Variants in HCN1 observed in about 807,000 individuals in gnomAD.
HCN1 encodes the protein potassium/sodium hyperpolarization-activated cyclic nucleotide-gated channel 1.
HCN1 carries 13 observed loss-of-function variants against 78.9 expected under a neutral mutation model. The observed-to-expected ratio is 0.16, with a 90% confidence interval of 0.11 to 0.26. The LOEUF (loss-of-function observed/expected upper bound fraction) is 0.26. HCN1 is among the 10% of genes least tolerant of loss of function. The probability of loss-of-function intolerance (pLI) is 1.00; values close to 1 mark genes in which losing one functional copy is unlikely to be tolerated. For missense variants in HCN1, 810 were observed against 1,154.3 expected, an observed-to-expected ratio of 0.70 and a Z score of 4.32; for synonymous variants, 552 against 455.5, an observed-to-expected ratio of 1.21 and a Z score of -2.70.
chr5:45,671,531 A>G (rs1200187579), intron 1 of HCN1, among the ~76,000 whole-genome samples: 1 of 151,386 alleles, frequency 6.6e-6, no homozygotes, highest in African/African-American at 2.4e-5. Context: ...CACCTAATAC[A>G]TGGTTACATA....
rs540210869 is a variant in HCN1, at chr5:45,588,668, A to G, written c.849+56517T>C. ...CTACTACTAACTCATTCTTCAAGTT[A>G]GGAGTCACCCCCTCCAGGAGGACTT... On this transcript the variant is annotated intron_variant, in intron 2 of 7. Coordinates refer to ENST00000303230, the MANE Select transcript of HCN1 (RefSeq NM_021072.4). 3.9e-5 allele frequency among the ~76,000 whole-genome samples: 6 copies of G among 152,308 alleles called. No homozygotes were observed. In the East Asian group the frequency reaches 9.7e-4, roughly 25 times the overall value.
chr5:45,363,237 C>A (rs1203640837), intron 4 of HCN1, among the ~76,000 whole-genome samples: 1 of 149,922 alleles, frequency 6.7e-6, no homozygotes, highest in Non-Finnish European at 1.5e-5. Context: ...TCCTTGTAAG[C>A]TGACCCACCT....
intron 6 of HCN1, among the ~76,000 whole-genome samples, chr5:45,303,026 A>C (rs927285974): frequency 6.6e-6 from 1 of 152,030 alleles, no homozygotes; most frequent in Non-Finnish European, 1.5e-5. Context: ...AAACAATACA[A>C]ATTTCTGTAA....
chr5:45,482,444 C>T (rs1470160647), intron 2 of HCN1, among the ~76,000 whole-genome samples: 2 of 152,062 alleles, frequency 1.3e-5, no homozygotes, highest in African/African-American at 4.8e-5. Flanking sequence ...GGAGTTGTCA[C>T]AGTTTAGAAC....
intron 2 of HCN1, among the ~76,000 whole-genome samples, chr5:45,629,016 TA>T (rs927169995): frequency 1.3e-5 from 2 of 150,848 alleles, no homozygotes; most frequent in Admixed American, 6.6e-5. Flanking sequence ...AAGAAATTAT[TA>T]AAAAACATAT....
chr5:45,312,388 G>A (rs958384624), intron 5 of HCN1, among the ~76,000 whole-genome samples: 3 of 152,182 alleles, frequency 2.0e-5, no homozygotes, highest in Non-Finnish European at 4.4e-5. Flanking sequence ...GCTGGGGGCG[G>A]TTCCAAGATG....
At chr5:45,483,956 G>A (rs1276260762) in intron 2 of HCN1, among the ~76,000 whole-genome samples, 1 of 151,998 alleles carries the variant, frequency 6.6e-6, no homozygotes, top group Admixed American at 6.6e-5. Context: ...CCAAGTTTTC[G>A]ATTCTGTTCT....
intron 6 of HCN1, among the ~76,000 whole-genome samples, chr5:45,277,695 C>T (rs1243391563): frequency 6.6e-6 from 1 of 152,044 alleles, no homozygotes; most frequent in African/African-American, 2.4e-5. Context: ...TTAAAAATCT[C>T]TGATAACTGG....
At chr5:45,374,050 A>G (rs1276116983) in intron 4 of HCN1, among the ~76,000 whole-genome samples, 9 of 94,294 alleles carry the variant, frequency 9.5e-5, no homozygotes, top group Middle Eastern at 0.014. Context: ...TATATATTAT[A>G]TATATTATAT....
At chr5:45,396,428 A>T (rs1180327036) in intron 4 of HCN1, 64 bp downstream of exon 4, 1 of 1,286,312 alleles carries the variant, frequency 7.8e-7, no homozygotes, top group African/African-American at 1.5e-5. Flanking sequence ...TATCTTGAAC[A>T]CAATTCAATT....
At chr5:45,376,797 CT>C (rs200083807) in intron 4 of HCN1, among the ~76,000 whole-genome samples, 2,432 of 151,938 alleles carry the variant, frequency 0.016, 69 homozygotes, top group African/African-American at 0.056. Flanking sequence ...CACATGCTCA[CT>C]TTTTTTCTGT....
chr5:45,470,275 G>T (rs1433000101), intron 2 of HCN1, among the ~76,000 whole-genome samples: 3 of 151,888 alleles, frequency 2.0e-5, no homozygotes. Context: ...CCTTCCAAAA[G>T]AAATCACTAA....
At chr5:45,631,060 A>G (rs1046249149) in intron 2 of HCN1, among the ~76,000 whole-genome samples, 1 of 152,186 alleles carries the variant, frequency 6.6e-6, no homozygotes, top group African/African-American at 2.4e-5. Flanking sequence ...AAAAACATCC[A>G]TGAGAGAAAA....
chr5:45,460,178 T>C (rs1461001950), intron 3 of HCN1, among the ~76,000 whole-genome samples: 2 of 152,136 alleles, frequency 1.3e-5, no homozygotes. Context: ...ATTACAACAA[T>C]GTTGGGAGGT....
At chr5:45,370,903 TA>T (rs1027917097) in intron 4 of HCN1, among the ~76,000 whole-genome samples, 3 of 152,112 alleles carry the variant, frequency 2.0e-5, no homozygotes, top group African/African-American at 7.2e-5. Flanking sequence ...ATGTAAATTT[TA>T]AAAATTCTTT....
intron 2 of HCN1, among the ~76,000 whole-genome samples, chr5:45,622,065 C>CA (rs1035576441): frequency 6.6e-6 from 1 of 151,694 alleles, no homozygotes; most frequent in African/African-American, 2.4e-5. Context: ...CTAAAAAATA[C>CA]AAAAAAATTA....
intron 6 of HCN1, among the ~76,000 whole-genome samples, chr5:45,287,452 A>G (rs1442175688): frequency 2.6e-5 from 4 of 152,092 alleles, no homozygotes; most frequent in Admixed American, 2.6e-4. Flanking sequence ...TAAAGATTAT[A>G]TATTCTTGTA....
chr5:45,525,822 G>C (rs1742726487), intron 2 of HCN1, among the ~76,000 whole-genome samples: 1 of 151,984 alleles, frequency 6.6e-6, no homozygotes, highest in Non-Finnish European at 1.5e-5. Flanking sequence ...ATGTTTATGT[G>C]CCTGAAATTC....
intron 4 of HCN1, among the ~76,000 whole-genome samples, chr5:45,371,692 G>A (rs984580785): frequency 6.7e-6 from 1 of 149,596 alleles, no homozygotes. Context: ...GGGAGGCGAA[G>A]GTTGCAGTGA....
Sources: allele counts gnomAD v4.1 joint callset (sites outside exome capture counted in the v4.1 genomes callset), GRCh38; gene constraint gnomAD v4.1.1; transcripts MANE v1.5; gene names NCBI Gene and HGNC (gene_info 2026-07-23, HGNC 2026-07-21).